Variants in SNX29 observed in about 807,000 individuals in gnomAD.
SNX29 encodes sorting nexin-29.
A neutral mutation model predicts 102.1 loss-of-function variants in SNX29; 78 were observed. The ratio of observed to expected loss-of-function variants is 0.76; its 90% CI spans 0.64 to 0.92. SNX29 has a LOEUF of 0.92. SNX29 is among the 40% of genes least tolerant of loss of function. SNX29 has a pLI of 0.00. For missense variants in SNX29, 1,280 were observed against 1,061.7 expected (o/e 1.21, Z -2.86); for synonymous variants, 580 against 414.5 (o/e 1.40, Z -4.85).
intron 19 of SNX29, among the ~76,000 whole-genome samples, chr16:12,480,128 C>G (rs763572022): frequency 1.3e-4 from 20 of 152,210 alleles, no homozygotes; most frequent in Admixed American, 2.6e-4. Flanking sequence ...TAAGTCAACA[C>G]TTGCTGTGTT....
At chr16:12,482,415 C>G (rs2087990188) in intron 19 of SNX29, among the ~76,000 whole-genome samples, 2 of 152,290 alleles carry the variant, frequency 1.3e-5, no homozygotes, top group East Asian at 1.9e-4. Context: ...GACCCTCTTG[C>G]TTCAGCCTCC....
intron 18 of SNX29, among the ~76,000 whole-genome samples, chr16:12,476,890 A>G (rs1158321443): frequency 2.0e-5 from 3 of 152,136 alleles, no homozygotes; most frequent in Admixed American, 6.5e-5. Context: ...GGTTTTAAAG[A>G]TGTGTATTGA....
chr16:12,448,024 G>A (rs1328891165), intron 18 of SNX29, among the ~76,000 whole-genome samples: 1 of 152,226 alleles, frequency 6.6e-6, no homozygotes, highest in Non-Finnish European at 1.5e-5. Context: ...TGATGATGGT[G>A]GCGTTCCCGG....
At chr16:12,394,502 T>A (rs758634688) in intron 16 of SNX29, among the ~76,000 whole-genome samples, 1 of 152,146 alleles carries the variant, frequency 6.6e-6, no homozygotes, top group South Asian at 2.1e-4. Flanking sequence ...TTAAAAAAAC[T>A]TGGCTATTTT....
intron 18 of SNX29, among the ~76,000 whole-genome samples, chr16:12,427,208 C>T (rs1378543728): frequency 1.3e-5 from 2 of 152,044 alleles, no homozygotes; most frequent in East Asian, 3.9e-4. Flanking sequence ...CGGTGCCAAC[C>T]CTCTGTCACC....
At chr16:12,317,853 G>T (rs571479546) in intron 15 of SNX29, among the ~76,000 whole-genome samples, 19 of 152,338 alleles carry the variant, frequency 1.2e-4, no homozygotes, top group South Asian at 6.2e-4. Flanking sequence ...GTGCCGGGGT[G>T]GGGGGTCGAA....
intron 15 of SNX29, among the ~76,000 whole-genome samples, chr16:12,352,686 T>C (rs549908345): frequency 6.6e-6 from 1 of 152,336 alleles, no homozygotes; most frequent in African/African-American, 2.4e-5. Flanking sequence ...CCACAACTTC[T>C]GCTGGCTAGG....
intron 15 of SNX29, among the ~76,000 whole-genome samples, chr16:12,324,943 C>G (rs1315933738): frequency 6.6e-6 from 1 of 152,162 alleles, no homozygotes; most frequent in Non-Finnish European, 1.5e-5. Flanking sequence ...GACGCAAGCT[C>G]TTGGGTGGCT....
At chr16:12,554,160 A>G (rs531558859) in intron 20 of SNX29, among the ~76,000 whole-genome samples, 19 of 152,340 alleles carry the variant, frequency 1.2e-4, no homozygotes, top group East Asian at 9.6e-4. Context: ...GTTTAAGTAA[A>G]TGAGCAATGT....
intron 18 of SNX29, among the ~76,000 whole-genome samples, chr16:12,435,852 T>A (rs565678987): frequency 1.3e-5 from 2 of 152,138 alleles, no homozygotes; most frequent in Non-Finnish European, 2.9e-5. Flanking sequence ...ATGGCAGGTG[T>A]AGTCCCAGCT....
At chr16:12,154,698 T>C (rs1473702295) in intron 13 of SNX29, among the ~76,000 whole-genome samples, 1 of 152,160 alleles carries the variant, frequency 6.6e-6, no homozygotes, top group Admixed American at 6.5e-5. Context: ...AGATCTCTCA[T>C]GGTTGTGGAG....
chr16:12,189,770 C>G (rs982672025), intron 13 of SNX29, among the ~76,000 whole-genome samples: 1 of 151,520 alleles, frequency 6.6e-6, no homozygotes, highest in Non-Finnish European at 1.5e-5. Flanking sequence ...GTTTTGATGC[C>G]CGGATCGTCT....
chr16:12,459,671 C>T (rs182818726), intron 18 of SNX29, among the ~76,000 whole-genome samples: 1 of 152,132 alleles, frequency 6.6e-6, no homozygotes, highest in African/African-American at 2.4e-5. Context: ...AGCAAACTTG[C>T]AGGGAGGAAG....
intron 10 of SNX29, 27 bp from the exon 11 acceptor site, chr16:12,078,806 A>C (rs1267843329): frequency 6.3e-7 from 1 of 1,577,626 alleles, no homozygotes; most frequent in Admixed American, 1.8e-5. Context: ...GGCCGAGTGT[A>C]ACTTCCTCCT....
intron 19 of SNX29, among the ~76,000 whole-genome samples, chr16:12,518,695 A>G (rs1255456403): frequency 6.6e-6 from 1 of 152,094 alleles, no homozygotes. Context: ...TCCCAGCTAA[A>G]CATCTGTGGA....
chr16:12,565,712 G>C (rs554015091), intron 20 of SNX29, among the ~76,000 whole-genome samples: 2 of 152,196 alleles, frequency 1.3e-5, no homozygotes, highest in East Asian at 1.9e-4. Context: ...CAGCTGGGCC[G>C]GGTCTGCCCG....
chr16:12,565,949 A>G (rs1422823861), intron 20 of SNX29, among the ~76,000 whole-genome samples: 1 of 151,648 alleles, frequency 6.6e-6, no homozygotes, highest in Non-Finnish European at 1.5e-5. Context: ...TGCCCTCCCC[A>G]TCCTCAATGA....
chr16:12,563,203 G>A (rs2078830416), intron 20 of SNX29, among the ~76,000 whole-genome samples: 2 of 41,762 alleles, frequency 4.8e-5, no homozygotes, highest in African/African-American at 1.6e-4. Flanking sequence ...TCAACATGCT[G>A]GGATTGAGGC....
At chr16:12,539,007 G>A (rs528266874) in intron 20 of SNX29, among the ~76,000 whole-genome samples, 6 of 152,296 alleles carry the variant, frequency 3.9e-5, no homozygotes, top group African/African-American at 7.2e-5. Context: ...AGTAATTCGA[G>A]CCAAAACCAT....
Sources: allele counts gnomAD v4.1 joint callset (sites outside exome capture counted in the v4.1 genomes callset), GRCh38; gene constraint gnomAD v4.1.1; transcripts MANE v1.5; gene names NCBI Gene and HGNC (gene_info 2026-07-23, HGNC 2026-07-21).